Variants in UBR7 observed in about 807,000 individuals in gnomAD.
UBR7 encodes the protein ubiquitin protein ligase E3 component n-recognin 7.
UBR7 carries 22 observed loss-of-function variants against 57.0 expected under a neutral mutation model. That is an observed-to-expected ratio of 0.39 (90% confidence interval 0.28 to 0.55). UBR7 has a LOEUF of 0.55. Among genes scored for constraint, UBR7 ranks in the 20% least tolerant of loss-of-function variants. UBR7 has a pLI of 0.69. For synonymous variants in UBR7, 167 were observed against 179.8 expected (o/e 0.93, Z 0.57); for missense variants, 395 against 513.2 (o/e 0.77, Z 2.23).
rs1894561182 is a variant in UBR7 at position 93,214,998 on chromosome 14, C to T, written c.495+16C>T. The T allele has an allele frequency of 6.2e-7, 1 of 1,609,652 alleles. No homozygotes were observed. Among genetic ancestry groups the T allele is most frequent in the Non-Finnish European group, 8.5e-7 (1 of 1,176,644 alleles). Reference sequence around the variant, plus strand: ...CCATGGAAGGGTAAGGAAAATGTTCCACCTTTTGAAACCATTGTTGTCACA... The same window carrying T: ...CCATGGAAGGGTAAGGAAAATGTTCTACCTTTTGAAACCATTGTTGTCACA... On this transcript the variant is annotated intron_variant, in intron 5 of 10. Coordinates refer to ENST00000013070, the MANE Select transcript of UBR7 (RefSeq NM_175748.4).
At chr14:93,218,127 A>C (rs564020226) in intron 6 of UBR7, among the ~76,000 whole-genome samples, 1 of 150,894 alleles carries the variant, frequency 6.6e-6, no homozygotes, top group African/African-American at 2.4e-5. Flanking sequence ...AAGCTATTGT[A>C]TGCCTGATGT....
intron 5 of UBR7, 84 bp from the exon 6 acceptor site, chr14:93,215,092 G>A (rs1894563207): frequency 3.6e-6 from 5 of 1,408,398 alleles, no homozygotes; most frequent in Non-Finnish European, 4.9e-6. Flanking sequence ...TATGATCAGT[G>A]TATTATTACA....
chr14:93,215,105 A>T lies in UBR7; in HGVS notation c.496-71A>T. On this transcript the variant is annotated intron_variant, in intron 5 of 10. Coordinates refer to ENST00000013070, the MANE Select transcript of UBR7 (RefSeq NM_175748.4). ...GATATGATCAGTGTATTATTACAGT[A>T]TTTATAAAATAATGGGCATTTTGGA... 3 of 1,448,130 alleles carry T rather than the reference A, an allele frequency of 2.1e-6. No individual in the cohort carries two copies. The South Asian group carries it at 3.7e-5, about 18-fold the overall frequency. 89.7% of individuals were successfully genotyped at this position (1,448,130 alleles called of 1,614,324 possible). A position where few individuals can be genotyped will look rare whatever the true frequency, so the allele number is the denominator to read the frequency against.
intron 2 of UBR7, among the ~76,000 whole-genome samples, chr14:93,210,276 T>C (rs1894455492): frequency 6.6e-6 from 1 of 151,932 alleles, no homozygotes; most frequent in African/African-American, 2.4e-5. Flanking sequence ...GTAGAGACGG[T>C]GTTTCACCGA....
In UBR7 at chr14:93,227,915, G is replaced by T; in HGVS notation, c.*880G>T. The stretch of plus-strand genomic sequence containing the variant: ...CTCTGGATTTCTTGATATTATCAGG[G>T]ATATTCATAAGCATATATCAAAAAT... On this transcript the variant is annotated 3_prime_UTR_variant, in exon 11 of 11. Transcript: ENST00000013070. 2 of 700,666 alleles carry T rather than the reference G, an allele frequency of 2.9e-6. No individual in the cohort carries two copies. The highest frequency in any genetic ancestry group is 3.0e-5 in the South Asian group (2 of 67,458). 43.4% of individuals were successfully genotyped at this position (700,666 alleles called of 1,614,324 possible). A position where few individuals can be genotyped will look rare whatever the true frequency, so the allele number is the denominator to read the frequency against.
chr14:93,224,461 CT>C (rs1894796183), intron 10 of UBR7, among the ~76,000 whole-genome samples: 1 of 145,564 alleles, frequency 6.9e-6, no homozygotes, highest in Non-Finnish European at 1.5e-5. Flanking sequence ...TCACTGCAAC[CT>C]GTGCCTCCCA....
At chr14:93,222,841 T>C (rs985647087) in intron 10 of UBR7, among the ~76,000 whole-genome samples, 1 of 151,698 alleles carries the variant, frequency 6.6e-6, no homozygotes, top group African/African-American at 2.4e-5. Context: ...GAATAAGAGG[T>C]AGTGAAACAT....
Position 93,228,121 on chromosome 14 carries a change from T to C in UBR7, c.*1086T>C. The C allele has an allele frequency of 3.0e-6, 2 of 660,984 alleles. No homozygotes were observed. Among genetic ancestry groups the C allele is most frequent in the Admixed American group, 2.1e-5 (1 of 48,730 alleles). 40.9% of individuals were successfully genotyped at this position (660,984 alleles called of 1,614,324 possible). On this transcript the variant is annotated 3_prime_UTR_variant, in exon 11 of 11. Coordinates refer to ENST00000013070, the MANE Select transcript of UBR7 (RefSeq NM_175748.4). The stretch of plus-strand genomic sequence containing the variant: ...AGAGATTACAAACAAGGCCCGAGGC[T>C]GCACGAATGATGAGTTTTGTGTATA...
chr14:93,224,831 T>C (rs1244607242), intron 10 of UBR7, among the ~76,000 whole-genome samples: 1 of 152,264 alleles, frequency 6.6e-6, no homozygotes, highest in African/African-American at 2.4e-5. Context: ...ACCTCTGAAC[T>C]GTCAATGGAC....
At chr14:93,226,833 C>CA in intron 10 of UBR7, 110 bp from the exon 11 acceptor site, 1 of 610,686 alleles carries the variant, frequency 1.6e-6, no homozygotes, top group East Asian at 3.7e-5. Flanking sequence ...GAGATGTTAT[C>CA]ATTAACATAA....
intron 10 of UBR7, among the ~76,000 whole-genome samples, chr14:93,225,002 G>T (rs1894818188): frequency 6.6e-6 from 1 of 152,160 alleles, no homozygotes; most frequent in African/African-American, 2.4e-5. Context: ...GCACATTGGA[G>T]ACTTTTACTC....
intron 10 of UBR7, among the ~76,000 whole-genome samples, chr14:93,224,673 G>A (rs537259573): frequency 8.5e-5 from 13 of 152,114 alleles, no homozygotes; most frequent in Non-Finnish European, 1.5e-4. Flanking sequence ...CACCTCGCCC[G>A]GCCTTCCCTA....
chr14:93,224,626 C>A (rs530811910), intron 10 of UBR7, among the ~76,000 whole-genome samples: 19 of 152,322 alleles, frequency 1.2e-4, no homozygotes, highest in African/African-American at 4.1e-4. Context: ...ATCCGCCCAC[C>A]TTGGCCTCCC....
chr14:93,225,765 G>T (rs1298599450), intron 10 of UBR7, among the ~76,000 whole-genome samples: 5 of 152,202 alleles, frequency 3.3e-5, no homozygotes, highest in Non-Finnish European at 5.9e-5. Flanking sequence ...GACCATTTGA[G>T]GATATCCAGA....
intron 6 of UBR7, among the ~76,000 whole-genome samples, chr14:93,216,060 CCATTCCT>C (rs756941501): frequency 2.9e-4 from 44 of 152,210 alleles, no homozygotes; most frequent in Non-Finnish European, 3.8e-4. Flanking sequence ...GGTTGAGGGC[CCATTCCT>C]CATAGACAGA....
chr14:93,224,583 T>C (rs1263427), intron 10 of UBR7, among the ~76,000 whole-genome samples: 7,085 of 151,848 alleles, frequency 0.047, 536 homozygotes, highest in African/African-American at 0.16. Flanking sequence ...TTCACCGTGT[T>C]AGCCAGGATG....
At chr14:93,212,782 G>C (rs1894511210) in intron 4 of UBR7, among the ~76,000 whole-genome samples, 1 of 152,156 alleles carries the variant, frequency 6.6e-6, no homozygotes, top group Non-Finnish European at 1.5e-5. Context: ...CTGCTGCAGA[G>C]TATCCTATAA....
chr14:93,224,158 G>A (rs1894781373), intron 10 of UBR7: 2 of 613,264 alleles, frequency 3.3e-6, no homozygotes, highest in Non-Finnish European at 5.8e-6. Context: ...CTCCGCGCTC[G>A]CCACCACCCG....
intron 10 of UBR7, chr14:93,223,969 C>T: frequency 1.2e-5 from 9 of 741,266 alleles, no homozygotes; most frequent in Non-Finnish European, 2.2e-5. Context: ...CCCCTGAAGA[C>T]TTCTTCATCT....
Sources: gnomAD v4.1 joint callset for allele counts (sites outside exome capture counted in the v4.1 genomes callset) on GRCh38, gnomAD v4.1.1 for gene constraint, MANE v1.5 for transcripts, NCBI Gene and HGNC (gene_info 2026-07-23, HGNC 2026-07-21) for gene names.